Variants in PNKP observed in about 807,000 individuals in gnomAD.
PNKP encodes the protein bifunctional polynucleotide phosphatase/kinase.
PNKP carries 82 observed loss-of-function variants against 66.2 expected under a neutral mutation model. The ratio of observed to expected loss-of-function variants is 1.24; its 90% CI spans 1.04 to 1.49. PNKP has a LOEUF of 1.49. PNKP is among the 40% of genes most tolerant of loss of function. The pLI is 0.00. For synonymous variants in PNKP, 412 were observed against 298.9 expected (o/e 1.38, Z -3.90); for missense variants, 907 against 706.8 (o/e 1.28, Z -3.21).
Position 49,863,955 on chromosome 19 carries a change from C to T in PNKP, c.744+9G>A. The T allele has an allele frequency of 1.2e-6, 2 of 1,602,486 alleles. No individual in the cohort carries two copies. Among genetic ancestry groups the T allele is most frequent in the Non-Finnish European group, 1.7e-6 (2 of 1,169,794 alleles). The stretch of plus-strand genomic sequence containing the variant: ...CCCACATAGCTCCCAGCCTCCCTTC[C>T]AGCCATACCTGGAAGGGGACCCCCA... On this transcript the variant is annotated intron_variant, in intron 7 of 16. Transcript: ENST00000322344.
At position 49,864,179 on chromosome 19, in the gene PNKP, C is replaced by T. The variant is rs911037129; in HGVS notation, c.636G>A (p.Lys212=). 3 of 1,614,074 alleles carry T rather than the reference C, an allele frequency of 1.9e-6. No individual in the cohort carries two copies. Among genetic ancestry groups the T allele is most frequent in the Middle Eastern group, 1.6e-4 (1 of 6,062 alleles). Residue 212 remains lysine, a splice_region_variant and synonymous_variant, in exon 6 of 17, where the codon AAG becomes AAA. Coordinates refer to ENST00000322344, the MANE Select transcript of PNKP (RefSeq NM_007254.4). ...KLRELEAEGY[K]LVIFTNQMSI... ...CATGCAGACAGGCGGCTGCACATAC[C>T]TTGTAGCCCTCGGCTTCCAGCTCTC... is the stretch of plus-strand genomic sequence containing the variant.
rs201872477 is a variant in PNKP at position 49,861,227 on chromosome 19, T to G, written c.*21A>C. 7.2e-3 allele frequency: 10,734 copies of G among 1,489,272 alleles called. 71 individuals carry two copies. The highest frequency in any genetic ancestry group is 0.018 in the South Asian group (1,631 of 88,614). The allele number at this position is 1,489,272 out of a possible 1,614,324, so 92.3% of individuals were successfully genotyped here. On this transcript the variant is annotated 3_prime_UTR_variant, in exon 17 of 17. Coordinates refer to ENST00000322344, the MANE Select transcript of PNKP (RefSeq NM_007254.4). ...GCTCAAGGAGAAACAGCGTTTATTG[T>G]GGAGGGGAGCTGGGCGGGGCTCAGC...
chr19:49,861,571 G>T (rs763847797), intron 15 of PNKP, 37 bp downstream of exon 15: 6 of 1,544,072 alleles, frequency 3.9e-6, no homozygotes, highest in African/African-American at 1.4e-5. Context: ...GGGTCAGGGG[G>T]TGCAGCCCGG....
chr19:49,865,057 G>A (rs1466710293), intron 4 of PNKP, 70 bp downstream of exon 4: 2 of 1,349,146 alleles, frequency 1.5e-6, no homozygotes, highest in South Asian at 2.4e-5. Flanking sequence ...AAAAAGTTGA[G>A]AGCACGCAAC....
Position 49,864,353 on chromosome 19 carries a change from C to A in PNKP, c.549G>T (p.Lys183Asn). Residue 183 changes from lysine to asparagine, a missense_variant, in exon 5 of 17, where the codon AAG becomes AAT. Transcript: ENST00000322344. Reference protein sequence around the residue: ...DGTLITTRSGKVFPTGPSDWR... With the variant: ...DGTLITTRSGNVFPTGPSDWR... ...AGTCACTGGGGCCAGTGGGAAAGAC[C>A]TTCCCAGAGCGTGTGGTGATGAGCG... 1 of 1,613,878 alleles carries A rather than the reference C, an allele frequency of 6.2e-7. No homozygotes were observed. Among genetic ancestry groups the A allele is most frequent in the Non-Finnish European group, 8.5e-7 (1 of 1,179,748 alleles).
rs2074825816 is a variant in PNKP, at chr19:49,867,059, G to C, written c.146C>G (p.Thr49Ser). 1.2e-6 allele frequency: 2 copies of C among 1,613,800 alleles called. No homozygotes were observed. The highest frequency in any genetic ancestry group is 2.7e-5 in the African/African-American group (2 of 74,924). ...CCAGCTCAGGCCCCGCTCACCTTGA[G>C]TTCTGGAGCACTTCCGGTCCGTAAC... ...TQVTDRKCSRTQVELVADPET... is the reference protein window; with the variant it reads ...TQVTDRKCSRSQVELVADPET... Residue 49 changes from threonine (T) to serine (S), a missense_variant, in exon 2 of 17, where the codon ACT becomes AGT. Thr to Ser is a moderately conservative substitution (Grantham distance 58, BLOSUM62 1). Transcript: ENST00000322344.
Position 49,861,774 on chromosome 19 carries a change from G to GGCGCGGCTC in PNKP, c.1287_1295dup (p.Ser430_Ala432dup), listed in dbSNP as rs1303696891. ...CTACGGCCCCGCGGTCACGCTACCTGGCGCGGCTCGCGGCGTCTGGGTTTG... is the reference window on the plus strand; with the variant it reads ...CTACGGCCCCGCGGTCACGCTACCTGGCGCGGCTCGCGCGGCTCGCGGCGTCTGGGTTTG... On this transcript the variant is annotated inframe_insertion, in exon 14 of 17. Coordinates refer to ENST00000322344, the MANE Select transcript of PNKP (RefSeq NM_007254.4). The GGCGCGGCTC allele has an allele frequency of 1.3e-6, 2 of 1,563,240 alleles. No individual in the cohort carries two copies. The highest frequency in any genetic ancestry group is 1.2e-5 in the South Asian group (1 of 85,460).
At chr19:49,863,303 C>T (rs924247412) in intron 8 of PNKP, among the ~76,000 whole-genome samples, 8 of 152,166 alleles carry the variant, frequency 5.3e-5, no homozygotes, top group South Asian at 2.1e-4. Flanking sequence ...ACGGGTGATG[C>T]CTGCTTTCTC....
At position 49,861,548 on chromosome 19, in the gene PNKP, C is replaced by T. The variant is rs1568658400; in HGVS notation, c.1387-38G>A. The T allele has an allele frequency of 8.3e-7, 1 of 1,199,440 alleles. No individual in the cohort carries two copies. Among genetic ancestry groups the T allele is most frequent in the East Asian group, 2.8e-5 (1 of 35,270 alleles). The allele number at this position is 1,199,440 out of a possible 1,614,324, so 74.3% of individuals were successfully genotyped here. A position where few individuals can be genotyped will look rare whatever the true frequency, so the allele number is the denominator to read the frequency against. ...TCAGAGGGGCGGCAGGCCCAGGGGT[C>T]AGGGGAGGAGGGGGGTCAGGGGGTG... On this transcript the variant is annotated intron_variant, in intron 15 of 16. Transcript: ENST00000322344.
Position 49,864,331 on chromosome 19 carries a change from C to A in PNKP, c.571G>T (p.Asp191Tyr). 1 of 1,613,864 alleles carries A rather than the reference C, an allele frequency of 6.2e-7. No individual in the cohort carries two copies. Among genetic ancestry groups the A allele is most frequent in the Non-Finnish European group, 8.5e-7 (1 of 1,179,756 alleles). The change falls in exon 5 of 17, where the codon GAC becomes TAC. Residue 191 changes from aspartate (D) to tyrosine (Y), a missense_variant. Coordinates refer to ENST00000322344, the MANE Select transcript of PNKP (RefSeq NM_007254.4). ...TGTTTTGCCTCTTATCACCTCCAGT[C>A]ACTGGGGCCAGTGGGAAAGACCTTC... ...SGKVFPTGPS[D>Y]WRILYPEIPR...
At chr19:49,866,133 C>T (rs1272324902) in intron 3 of PNKP, 1 of 500,410 alleles carries the variant, frequency 2.0e-6, no homozygotes. Flanking sequence ...CCGCTTCAGC[C>T]TCCCGATTAG....
chr19:49,861,748 C>T, intron 14 of PNKP, 24 bp downstream of exon 14: 4 of 1,557,438 alleles, frequency 2.6e-6, no homozygotes, highest in Non-Finnish European at 3.5e-6. Context: ...CCGCAGGCCA[C>T]CTACGGCCCC....
Position 49,862,754 on chromosome 19 carries a change from G to T in PNKP, c.817-16C>A. ...CGTCGTTGGCCTACGGGAGACGGTA[G>T]TGAGGAGGCCCTTCCCACAAATGTC... On this transcript the variant is annotated splice_polypyrimidine_tract_variant and intron_variant, in intron 8 of 16. Coordinates refer to ENST00000322344, the MANE Select transcript of PNKP (RefSeq NM_007254.4). 1 of 1,613,926 alleles carries T rather than the reference G, an allele frequency of 6.2e-7. No individual in the cohort carries two copies. The highest frequency in any genetic ancestry group is 8.5e-7 in the Non-Finnish European group (1 of 1,179,858).
At position 49,864,316 on chromosome 19, in the gene PNKP, C is replaced by T. The variant is rs1434825029; in HGVS notation, c.578+8G>A. 1 of 1,613,486 alleles carries T rather than the reference C, an allele frequency of 6.2e-7. No individual in the cohort carries two copies. The highest frequency in any genetic ancestry group is 8.5e-7 in the Non-Finnish European group (1 of 1,179,414). ...CCTCACTCACTCCCTTGTTTTGCCT[C>T]TTATCACCTCCAGTCACTGGGGCCA... is the stretch of plus-strand genomic sequence containing the variant. On this transcript the variant is annotated splice_region_variant and intron_variant, in intron 5 of 16. Coordinates refer to ENST00000322344, the MANE Select transcript of PNKP (RefSeq NM_007254.4).
chr19:49,861,957 A>ATGAT, intron 13 of PNKP, 76 bp from the exon 14 acceptor site: 1 of 1,581,802 alleles, frequency 6.3e-7, no homozygotes, highest in East Asian at 2.2e-5. Flanking sequence ...CGGGGAGGCA[A>ATGAT]TGATGGAGGA....
intron 4 of PNKP, 109 bp from the exon 5 acceptor site, chr19:49,864,512 C>A: frequency 1.2e-6 from 1 of 845,390 alleles, no homozygotes. Context: ...TCACTGCCAT[C>A]TCACAGATGG....
At chr19:49,864,533 T>C in intron 4 of PNKP, 130 bp from the exon 5 acceptor site, 1 of 762,320 alleles carries the variant, frequency 1.3e-6, no homozygotes, top group Admixed American at 1.9e-5. Flanking sequence ...GGAAACCGAG[T>C]CACAGAGCAC....
intron 4 of PNKP, 83 bp from the exon 5 acceptor site, chr19:49,864,486 G>A: frequency 9.7e-7 from 1 of 1,027,766 alleles, no homozygotes; most frequent in Non-Finnish European, 1.5e-6. Context: ...CACCAACCCT[G>A]CCAGGCAGGG....
chr19:49,867,178 G>C lies in PNKP; in HGVS notation c.27C>G (p.Arg9=). 6.2e-7 allele frequency: 1 copy of C among 1,611,944 alleles called. No homozygotes were observed. The highest frequency in any genetic ancestry group is 8.5e-7 in the Non-Finnish European group (1 of 1,179,414). The part of the protein sequence containing the change: MGEVEAPG[R]LWLESPPGGA... ...CCCCAGGGGGGCTCTCGAGCCACAA[G>C]CGGCCCGGGGCCTCCACCTCGCCCA... is the stretch of plus-strand genomic sequence containing the variant. The change falls in exon 2 of 17, where the codon CGC becomes CGG. Residue 9 remains arginine (R), a synonymous_variant. Coordinates refer to ENST00000322344, the MANE Select transcript of PNKP (RefSeq NM_007254.4).
Sources: gnomAD v4.1 joint callset for allele counts (sites outside exome capture counted in the v4.1 genomes callset) on GRCh38, gnomAD v4.1.1 for gene constraint, MANE v1.5 for transcripts, NCBI Gene and HGNC (gene_info 2026-07-23, HGNC 2026-07-21) for gene names.